The following ACP7 variants were observed in gnomAD, a reference collection of about 807,000 sequenced individuals.
ACP7 encodes acid phosphatase 7, tartrate resistant (putative).
Under a neutral mutation model 60.6 loss-of-function variants are expected in ACP7, and 58 were observed. The observed-to-expected ratio is 0.96, with a 90% CI of 0.77 to 1.19. The LOEUF is 1.19. Ranked by LOEUF, ACP7 falls within the 50% of genes most tolerant of loss-of-function variation. ACP7 has a pLI of 0.00. For synonymous variants in ACP7, 237 were observed against 232.6 expected, an observed-to-expected ratio of 1.02 and a Z score of -0.17; for missense variants, 574 against 596.2, an observed-to-expected ratio of 0.96 and a Z score of 0.39.
chr19:39,097,848 T>C (rs1471425039), intron 2 of ACP7, among the ~76,000 whole-genome samples: 1 of 152,150 alleles, frequency 6.6e-6, no homozygotes, highest in African/African-American at 2.4e-5. Flanking sequence ...TTTATTTATA[T>C]TTATTCATCT....
chr19:39,106,945 A>G lies in ACP7; in HGVS notation c.1114-2A>G. On this transcript the variant is annotated splice_acceptor_variant, in intron 11 of 12. Coordinates refer to ENST00000331256, the MANE Select transcript of ACP7 (RefSeq NM_001004318.3). LOFTEE classifies it high-confidence loss of function. ...GGGTCTGATCAGTTCTCCCCGCCCC[A>G]GGGCTGTGAGGAGCGGCTGACGCCC... The G allele has an allele frequency of 1.2e-6, 2 of 1,613,520 alleles. No homozygotes were observed. Among genetic ancestry groups the G allele is most frequent in the Non-Finnish European group, 1.7e-6 (2 of 1,179,860 alleles).
rs1230916229 is a variant in ACP7, at chr19:39,103,441, G to GTGTTTTTTTT, written c.1113+1905_1113+1906insGTTTTTTTTT. 1.4e-3 allele frequency among the ~76,000 whole-genome samples: 90 copies of GTGTTTTTTTT among 64,724 alleles called. 4 individuals are homozygous for GTGTTTTTTTT. Among genetic ancestry groups the GTGTTTTTTTT allele is most frequent in the Non-Finnish European group, 1.7e-3 (65 of 37,228 alleles). 42.5% of individuals were successfully genotyped at this position (64,724 alleles called of 152,430 possible). ...TCAAAACATTCCAGGATCATCATGT[G>GTGTTTTTTTT]TTTTTTTTTTTTTTTTTTTTTTTTT... On this transcript the variant is annotated intron_variant, in intron 11 of 12. Transcript: ENST00000331256.
In ACP7 at chr19:39,085,244, C is replaced by T. The variant is rs142088413; in HGVS notation, c.-26C>T. The T allele has an allele frequency of 9.3e-5, 149 of 1,603,274 alleles. No homozygotes were observed. The highest frequency in any genetic ancestry group is 1.1e-4 in the Non-Finnish European group (128 of 1,174,642). Reference sequence around the variant, plus strand: ...TCTCCTCAGTCCCCCTGCTTTTCCCCGGTCTGCCATCACCACCCCACCACC... The same window carrying T: ...TCTCCTCAGTCCCCCTGCTTTTCCCTGGTCTGCCATCACCACCCCACCACC... On this transcript the variant is annotated 5_prime_UTR_variant, in exon 2 of 13. Transcript: ENST00000331256.
rs1010809085 is a variant in ACP7, at chr19:39,093,215, CCTCTCTCTCTCTTTCT to C, written c.122-5226_122-5211del. Among the ~76,000 whole-genome samples the C allele has an allele frequency of 1.7e-4, 19 of 112,166 alleles. 1 individual carries two copies. The highest frequency in any genetic ancestry group is 6.1e-4 in the African/African-American group (17 of 28,062). The allele number at this position is 112,166 out of a possible 152,430, so 73.6% of individuals were successfully genotyped here. A position where few individuals can be genotyped will look rare whatever the true frequency, so the allele number is the denominator to read the frequency against. On this transcript the variant is annotated intron_variant, in intron 2 of 12. Transcript: ENST00000331256. ...CTTTCTTTGTTTCTTTCTTTCTCTC[CCTCTCTCTCTCTTTCT>C]CTCTCTCTCTCTTTCTTTCTTTCTC...
rs988155966 is a variant in ACP7 at position 39,099,218 on chromosome 19, G to GTC, written c.505+76_505+77insTC. The GTC allele has an allele frequency of 2.2e-6, 3 of 1,382,002 alleles. No homozygotes were observed. In the African/African-American group the frequency reaches 5.0e-5, roughly 23 times the overall value. 85.6% of individuals were successfully genotyped at this position (1,382,002 alleles called of 1,614,324 possible). A position where few individuals can be genotyped will look rare whatever the true frequency, so the allele number is the denominator to read the frequency against. ...GATGGTGGGGGGCGCGCGGGTCGGG[G>GTC]GCGCGCGGGTCGGGGGCGGTGCTAG... is the stretch of plus-strand genomic sequence containing the variant. On this transcript the variant is annotated intron_variant, in intron 4 of 12. Coordinates refer to ENST00000331256, the MANE Select transcript of ACP7 (RefSeq NM_001004318.3).
intron 11 of ACP7, among the ~76,000 whole-genome samples, chr19:39,105,680 C>A (rs2073403757): frequency 6.6e-6 from 1 of 151,970 alleles, no homozygotes; most frequent in African/African-American, 2.4e-5. Context: ...ACCACCACGC[C>A]CAGCTAATTT....
chr19:39,097,177 T>A (rs1377987235), intron 2 of ACP7, among the ~76,000 whole-genome samples: 1 of 152,002 alleles, frequency 6.6e-6, no homozygotes, highest in African/African-American at 2.4e-5. Context: ...GATAAACTCA[T>A]CAGATCTCGT....
At position 39,099,104 on chromosome 19, in the gene ACP7, A is replaced by C; in HGVS notation, c.467A>C (p.Asp156Ala). 3 of 1,596,066 alleles carry C rather than the reference A, an allele frequency of 1.9e-6. No individual in the cohort carries two copies. The highest frequency in any genetic ancestry group is 2.6e-6 in the Non-Finnish European group (3 of 1,172,548). The change falls in exon 4 of 13, where the codon GAC becomes GCC. Residue 156 changes from aspartate to alanine, a missense_variant. Coordinates refer to ENST00000331256, the MANE Select transcript of ACP7 (RefSeq NM_001004318.3). Reference sequence around the variant, plus strand: ...AAGGCCGTCCCCCGGCTGCGCAGGGACACCCAGCAGGGCATGTATGACGCC... The same window carrying C: ...AAGGCCGTCCCCCGGCTGCGCAGGGCCACCCAGCAGGGCATGTATGACGCC... ...NPKAVPRLRR[D>A]TQQGMYDAVL...
intron 1 of ACP7, among the ~76,000 whole-genome samples, chr19:39,084,794 C>T (rs991915543): frequency 2.0e-5 from 3 of 151,996 alleles, no homozygotes; most frequent in Non-Finnish European, 4.4e-5. Flanking sequence ...GCCTCCACCC[C>T]GCTCCCAGAC....
intron 4 of ACP7, 31 bp downstream of exon 4, chr19:39,099,173 CGGTGGGGGGCGCGCGCAGGGAT>C (rs759723935): frequency 5.9e-6 from 8 of 1,360,010 alleles, no homozygotes; most frequent in Admixed American, 2.9e-5. Context: ...CGCGCAGGGA[CGGTGGGGGGCGCGCGCAGGGAT>C]GGTGGGGGGC....
chr19:39,099,195 T>G (rs534041740), intron 4 of ACP7, 53 bp downstream of exon 4: 188 of 1,316,410 alleles, frequency 1.4e-4, no homozygotes, highest in East Asian at 6.1e-4. Context: ...CGCGCAGGGA[T>G]GGTGGGGGGC....
chr19:39,092,405 A>T (rs1306772086), intron 2 of ACP7, among the ~76,000 whole-genome samples: 2 of 151,978 alleles, frequency 1.3e-5, no homozygotes, highest in African/African-American at 4.8e-5. Flanking sequence ...GCAGTTGCAG[A>T]ATCATTTACA....
chr19:39,099,196 G>C, intron 4 of ACP7, 54 bp downstream of exon 4: 1 of 1,462,918 alleles, frequency 6.8e-7, no homozygotes, highest in Non-Finnish European at 8.9e-7. Flanking sequence ...GCGCAGGGAT[G>C]GTGGGGGGCG....
Position 39,100,942 on chromosome 19 carries a change from T to C in ACP7, c.808-7T>C, listed in dbSNP as rs757419447. ...CCTAGCCCCTCACCCTGGGCCCTTCTCCCTAGAAAGCCAATAAGAACCGGG... is the reference window on the plus strand; with the variant it reads ...CCTAGCCCCTCACCCTGGGCCCTTCCCCCTAGAAAGCCAATAAGAACCGGG... On this transcript the variant is annotated splice_region_variant and splice_polypyrimidine_tract_variant and intron_variant, in intron 7 of 12. Transcript: ENST00000331256. 8 of 1,599,458 alleles carry C rather than the reference T, an allele frequency of 5.0e-6. No individual in the cohort carries two copies. The Admixed American group carries it at 8.5e-5, about 17-fold the overall frequency.
At position 39,100,747 on chromosome 19, in the gene ACP7, T is replaced by C. The variant is rs2073330267; in HGVS notation, c.701T>C (p.Leu234Pro). 2.5e-6 allele frequency: 4 copies of C among 1,614,026 alleles called. No individual in the cohort carries two copies. Among genetic ancestry groups the C allele is most frequent in the Non-Finnish European group, 3.4e-6 (4 of 1,179,978 alleles). Residue 234 changes from leucine (L) to proline (P), a missense_variant, in exon 7 of 13, where the codon CTG becomes CCG. Leu to Pro is a moderately conservative substitution (Grantham distance 98). Coordinates refer to ENST00000331256, the MANE Select transcript of ACP7 (RefSeq NM_001004318.3). ...CCCTTTGACTCCTCCAGCTGGGATC[T>C]GGGTCCCGCCCACATCATCTCCTTC... ...DNEGLWYSWD[L>P]GPAHIISFST...
At position 39,099,135 on chromosome 19, in the gene ACP7, C is replaced by A. The variant is rs199766686; in HGVS notation, c.498C>A (p.Leu166=). The A allele has an allele frequency of 3.1e-4, 474 of 1,533,346 alleles. 1 individual carries two copies. Among genetic ancestry groups the A allele is most frequent in the Middle Eastern group, 1.6e-3 (9 of 5,670 alleles). 95.0% of individuals were successfully genotyped at this position (1,533,346 alleles called of 1,614,324 possible). The change falls in exon 4 of 13, where the codon CTC becomes CTA. Residue 166 remains leucine, a synonymous_variant. Transcript: ENST00000331256. The part of the protein sequence containing the change: ...DTQQGMYDAV[L]HVGDFAYNLD... ...AGCAGGGCATGTATGACGCCGTTCT[C>A]CATGTGGGTGAGGCATCCGCAGGGG...
chr19:39,095,765 C>T (rs2073258402), intron 2 of ACP7, among the ~76,000 whole-genome samples: 1 of 152,240 alleles, frequency 6.6e-6, no homozygotes, highest in Non-Finnish European at 1.5e-5. Flanking sequence ...TCTGCCTGGG[C>T]ATTCAGGCGT....
At chr19:39,100,548 C>A (rs764689859) in intron 5 of ACP7, 32 bp from the exon 6 acceptor site, 32 of 1,611,396 alleles carry the variant, frequency 2.0e-5, no homozygotes, top group Non-Finnish European at 2.4e-5. Context: ...TTCAGTCCTT[C>A]ACCTCCATCC....
rs755178362 is a variant in ACP7 at position 39,100,603 on chromosome 19, G to A, written c.653G>A (p.Arg218His). The A allele has an allele frequency of 1.7e-5, 27 of 1,613,880 alleles. No individual in the cohort carries two copies. Among genetic ancestry groups the A allele is most frequent in the South Asian group, 2.2e-5 (2 of 91,074 alleles). ...AGCAACTTCTCTAACTACAAGGCTC[G>A]CTTCAGCATGCCGGGGGATAATGAG... ...ERYNFSNYKA[R>H]FSMPGDNEGL... is the part of the protein sequence containing the mutation. Residue 218 changes from arginine (R) to histidine (H), a missense_variant, in exon 6 of 13, where the codon CGC (arginine) becomes CAC (histidine). By Grantham distance (29) the Arg-to-His change is conservative. Coordinates refer to ENST00000331256, the MANE Select transcript of ACP7 (RefSeq NM_001004318.3).
Sources: gnomAD v4.1 joint callset for allele counts (sites outside exome capture counted in the v4.1 genomes callset) on GRCh38, gnomAD v4.1.1 for gene constraint, MANE v1.5 for transcripts, NCBI Gene and HGNC (gene_info 2026-07-23, HGNC 2026-07-21) for gene names.